Variants in LYRM4 observed in about 807,000 individuals in gnomAD.
LYRM4 encodes the protein LYR motif-containing protein 4.
In LYRM4, 9 loss-of-function variants were observed where a neutral mutation model predicts 11.7. The observed-to-expected ratio is 0.77, with a 90% CI of 0.46 to 1.34. The LOEUF (loss-of-function observed/expected upper bound fraction) is 1.34. LYRM4 is among the 40% of genes most tolerant of loss of function. The probability of loss-of-function intolerance (pLI) is 0.00; values close to 1 mark genes in which losing one functional copy is unlikely to be tolerated. For synonymous variants in LYRM4, 42 were observed against 40.4 expected (o/e 1.04, Z -0.15); for missense variants, 133 against 112.5 (o/e 1.18, Z -0.82).
At chr6:5,132,021 G>C (rs1379472394) in intron 2 of LYRM4, among the ~76,000 whole-genome samples, 1 of 152,066 alleles carries the variant, frequency 6.6e-6, no homozygotes, top group East Asian at 1.9e-4. Context: ...TTTTAACTTG[G>C]TTTAACCCGA....
chr6:5,087,657 C>T, the LYRM4 span: 10 of 152,330 alleles, frequency 6.6e-5, no homozygotes, highest in African/African-American at 2.4e-4. Context: ...CTCTCAGAGC[C>T]ACAGTGGGGA....
the LYRM4 span, among the ~76,000 whole-genome samples, chr6:5,070,487 T>C: frequency 2.0e-5 from 3 of 152,232 alleles, no homozygotes; most frequent in African/African-American, 7.2e-5. Flanking sequence ...TTTTCCATAG[T>C]AAACAAGTAT....
chr6:5,152,810 C>T lies in LYRM4; in HGVS notation c.208-43319G>A, dbSNP rs114141948. 8.7e-3 allele frequency among the ~76,000 whole-genome samples: 1,320 copies of T among 152,290 alleles called. 23 individuals are homozygous for T. Among genetic ancestry groups the T allele is most frequent in the African/African-American group, 0.03 (1,240 of 41,558 alleles). On this transcript the variant is annotated intron_variant, in intron 2 of 2. Coordinates refer to ENST00000330636, the MANE Select transcript of LYRM4 (RefSeq NM_020408.6). ...CTGGTAGGAATTCCAGGCTAGGTCA[C>T]GGGGCAAATGGAAACACGCAGCAGA...
chr6:5,097,830 C>T, the LYRM4 span, among the ~76,000 whole-genome samples: 48 of 152,288 alleles, frequency 3.2e-4, no homozygotes, highest in South Asian at 4.4e-3. Context: ...CACATTGTTA[C>T]GACATCATAC....
intron 1 of LYRM4, among the ~76,000 whole-genome samples, chr6:5,241,160 T>C (rs146981487): frequency 1.3e-5 from 2 of 152,328 alleles, no homozygotes; most frequent in East Asian, 1.9e-4. Flanking sequence ...GGGCCTAGTA[T>C]GTGTCCGGCC....
intron 1 of LYRM4, among the ~76,000 whole-genome samples, chr6:5,217,656 A>G (rs1762351494): frequency 6.6e-6 from 1 of 152,238 alleles, no homozygotes; most frequent in Non-Finnish European, 1.5e-5. Flanking sequence ...TTATGCCTTA[A>G]TGCAATTACT....
intron 2 of LYRM4, among the ~76,000 whole-genome samples, chr6:5,140,415 G>GA (rs957328843): frequency 1.8e-4 from 27 of 152,246 alleles, no homozygotes; most frequent in Admixed American, 3.3e-4. Context: ...TGAAAAGATT[G>GA]AAAAAATCTG....
At chr6:5,085,850 G>A in the LYRM4 span, 3 of 1,529,570 alleles carry the variant, frequency 2.0e-6, no homozygotes, top group African/African-American at 2.8e-5. Flanking sequence ...CTCGGCCCGG[G>A]CGGCTGCTGC....
chr6:5,160,818 G>A (rs1192547486), intron 2 of LYRM4, among the ~76,000 whole-genome samples: 1 of 152,190 alleles, frequency 6.6e-6, no homozygotes, highest in East Asian at 1.9e-4. Context: ...ACCACGAGAT[G>A]CTCTCCTTCC....
At chr6:5,171,132 T>G (rs1014434550) in intron 2 of LYRM4, among the ~76,000 whole-genome samples, 1 of 152,230 alleles carries the variant, frequency 6.6e-6, no homozygotes, top group Non-Finnish European at 1.5e-5. Context: ...GAAAATAATA[T>G]TTCATGATAA....
At chr6:5,245,105 A>ATATATATATATAT (rs1764093014) in intron 1 of LYRM4, among the ~76,000 whole-genome samples, 1 of 56,782 alleles carries the variant, frequency 1.8e-5, no homozygotes, top group African/African-American at 6.8e-5. Flanking sequence ...AAAAAAAAAA[A>ATATATATATATAT]AAAAAAAAAT....
intron 2 of LYRM4, among the ~76,000 whole-genome samples, chr6:5,153,130 T>G (rs534310228): frequency 6.6e-6 from 1 of 152,288 alleles, no homozygotes; most frequent in South Asian, 2.1e-4. Context: ...GAGGGTCTCG[T>G]TCTGTCGTTC....
At position 5,202,104 on chromosome 6, in the gene LYRM4, A is replaced by G. The variant is rs187694124; in HGVS notation, c.207+14514T>C. Among the ~76,000 whole-genome samples, 327 of 152,342 alleles carry G rather than the reference A, an allele frequency of 2.1e-3. 2 individuals are homozygous for G. The highest frequency in any genetic ancestry group is 6.9e-3 in the African/African-American group (286 of 41,572). On this transcript the variant is annotated intron_variant, in intron 2 of 2. Coordinates refer to ENST00000330636, the MANE Select transcript of LYRM4 (RefSeq NM_020408.6). Reference sequence around the variant, plus strand: ...TAATCAGTGAATAACCATGACCAAAACTTGTTTTTGCAGGTGCTCAATTAA... The same window carrying G: ...TAATCAGTGAATAACCATGACCAAAGCTTGTTTTTGCAGGTGCTCAATTAA...
At chr6:5,064,798 AG>A in the LYRM4 span, among the ~76,000 whole-genome samples, 2 of 152,220 alleles carry the variant, frequency 1.3e-5, no homozygotes, top group Non-Finnish European at 2.9e-5. Context: ...TGATCAAATC[AG>A]GGGAATTAAG....
chr6:5,108,917 C>T lies in LYRM4; in HGVS notation c.*506G>A, dbSNP rs569980341. 5.0e-6 allele frequency: 5 copies of T among 994,254 alleles called. No individual in the cohort carries two copies. The highest frequency in any genetic ancestry group is 6.0e-6 in the Non-Finnish European group (5 of 834,518). 61.6% of individuals were successfully genotyped at this position (994,254 alleles called of 1,614,324 possible). ...AGCCCTGCCCTACTCCATGCTGCCC[C>T]CAGTCTCAAGTGGTGCTTGAACTTG... On this transcript the variant is annotated 3_prime_UTR_variant, in exon 3 of 3. Transcript: ENST00000330636.
chr6:5,152,818 A>G (rs1758167396), intron 2 of LYRM4, among the ~76,000 whole-genome samples: 2 of 152,198 alleles, frequency 1.3e-5, no homozygotes, highest in Non-Finnish European at 2.9e-5. Context: ...CACGGGGCAA[A>G]TGGAAACACG....
At chr6:5,185,900 G>A (rs1760362363) in intron 2 of LYRM4, among the ~76,000 whole-genome samples, 1 of 152,158 alleles carries the variant, frequency 6.6e-6, no homozygotes, top group Non-Finnish European at 1.5e-5. Context: ...GCCAGCAGAC[G>A]AGACTGGGCC....
At chr6:5,238,703 T>C (rs1763691417) in intron 1 of LYRM4, among the ~76,000 whole-genome samples, 1 of 152,256 alleles carries the variant, frequency 6.6e-6, no homozygotes, top group South Asian at 2.1e-4. Flanking sequence ...TTTATTTTGC[T>C]GAAGTTTCTA....
At chr6:5,144,624 C>CAAA (rs71540849) in intron 2 of LYRM4, among the ~76,000 whole-genome samples, 529 of 37,546 alleles carry the variant, frequency 0.014, 46 homozygotes, top group Middle Eastern at 0.031. Context: ...GACTCCGTCT[C>CAAA]AAAAAAAAAA....
Sources: gnomAD v4.1 joint callset for allele counts (sites outside exome capture counted in the v4.1 genomes callset) on GRCh38, gnomAD v4.1.1 for gene constraint, MANE v1.5 for transcripts, NCBI Gene and HGNC (gene_info 2026-07-23, HGNC 2026-07-21) for gene names.